Variants in KAZN observed in about 807,000 individuals in gnomAD.
The protein encoded by KAZN is kazrin.
A neutral mutation model predicts 87.4 loss-of-function variants in KAZN; 40 were observed. The observed-to-expected ratio is 0.46, with a 90% CI of 0.36 to 0.60. The LOEUF (loss-of-function observed/expected upper bound fraction) is 0.60. Among genes scored for constraint, KAZN ranks in the 20% least tolerant of loss-of-function variants. KAZN has a pLI of 0.00. For synonymous variants in KAZN, 466 were observed against 458.3 expected (o/e 1.02, Z -0.22); for missense variants, 898 against 1,073.9 (o/e 0.84, Z 2.29).
chr1:14,796,983 GATGTATC>G (rs1339888347), intron 1 of KAZN, among the ~76,000 whole-genome samples: 1 of 152,228 alleles, frequency 6.6e-6, no homozygotes, highest in Non-Finnish European at 1.5e-5. Context: ...AAGCTATGTT[GATGTATC>G]ATTTGGTGGC....
rs1665907772 is a variant in KAZN, at chr1:14,978,583, G to C, written c.418+17708G>C. ...TTTGTTCGTTTCTCTTAATCTGATA[G>C]AGGTTCTTCTTCCCACTCTTCTGGA... On this transcript the variant is annotated intron_variant, in intron 2 of 14. Coordinates refer to ENST00000376030, the MANE Select transcript of KAZN (RefSeq NM_201628.3). Among the ~76,000 whole-genome samples, 2 of 152,174 alleles carry C rather than the reference G, an allele frequency of 1.3e-5. 1 individual carries two copies. Among genetic ancestry groups the C allele is most frequent in the Admixed American group, 1.3e-4 (2 of 15,276 alleles).
chr1:15,095,642 G>C (rs1321748955), intron 10 of KAZN, among the ~76,000 whole-genome samples: 1 of 151,452 alleles, frequency 6.6e-6, no homozygotes, highest in Non-Finnish European at 1.5e-5. Context: ...TGTGGAGAGG[G>C]GAAGAACTCG....
chr1:14,280,086 G>A (rs1652725089), intron 2 of KAZN, among the ~76,000 whole-genome samples: 1 of 152,132 alleles, frequency 6.6e-6, no homozygotes, highest in South Asian at 2.1e-4. Context: ...GTTGCGGCCG[G>A]GCGCGGTGGC....
At chr1:14,296,168 C>G (rs1179118485) in intron 2 of KAZN, among the ~76,000 whole-genome samples, 1 of 152,186 alleles carries the variant, frequency 6.6e-6, no homozygotes, top group Non-Finnish European at 1.5e-5. Flanking sequence ...GAATGTCTAG[C>G]ATAAAGAAGA....
intron 2 of KAZN, among the ~76,000 whole-genome samples, chr1:15,028,087 C>G (rs1473281181): frequency 6.6e-6 from 1 of 152,208 alleles, no homozygotes; most frequent in Non-Finnish European, 1.5e-5. Context: ...GGGCCCAGCT[C>G]AGAGACGTGC....
intron 1 of KAZN, among the ~76,000 whole-genome samples, chr1:14,727,434 A>T (rs1404302443): frequency 5.0e-5 from 5 of 100,748 alleles, no homozygotes; most frequent in African/African-American, 1.1e-4. Flanking sequence ...AGTCCATCAC[A>T]TTTATTGTGC....
intron 1 of KAZN, among the ~76,000 whole-genome samples, chr1:14,043,753 A>T (rs1317841337): frequency 2.0e-5 from 3 of 152,122 alleles, no homozygotes; most frequent in African/African-American, 4.8e-5. Flanking sequence ...ATCAACTCGG[A>T]GGGAGGTGCT....
rs573792619 is a variant in KAZN, at chr1:14,169,676, G to A, written c.92-10759G>A. Among the ~76,000 whole-genome samples, 4 of 152,322 alleles carry A rather than the reference G, an allele frequency of 2.6e-5. No homozygotes were observed. The East Asian group carries it at 7.7e-4, about 29-fold the overall frequency. ...ACTAGACCTGCTGGAGGCTCATACG[G>A]GAATTAGGCAATGGCCATAAGTAAT... On this transcript the variant is annotated intron_variant, in intron 1 of 16. Transcript: ENST00000636203.
In KAZN at chr1:14,234,259, A is replaced by G. The variant is rs187325090; in HGVS notation, c.249+53667A>G. ...ATGAGTTCATGTTCTTTGCAGGGAC[A>G]TGGATGAAACTGGAAACCATCATTC... On this transcript the variant is annotated intron_variant, in intron 2 of 16. Transcript: ENST00000636203. 2.0e-5 allele frequency among the ~76,000 whole-genome samples: 3 copies of G among 152,334 alleles called. No homozygotes were observed. The East Asian group carries it at 5.8e-4, about 29-fold the overall frequency.
At chr1:14,900,098 C>G (rs1216947795) in intron 1 of KAZN, among the ~76,000 whole-genome samples, 1 of 152,154 alleles carries the variant, frequency 6.6e-6, no homozygotes, top group African/African-American at 2.4e-5. Context: ...ACCTGTGTAT[C>G]CCAGGGCTCA....
At chr1:14,879,794 G>A (rs1018529867) in intron 1 of KAZN, among the ~76,000 whole-genome samples, 4 of 152,124 alleles carry the variant, frequency 2.6e-5, no homozygotes, top group East Asian at 3.9e-4. Flanking sequence ...AGACACAGTC[G>A]GGTTCAATCT....
intron 1 of KAZN, among the ~76,000 whole-genome samples, chr1:14,809,930 C>T (rs1023180317): frequency 3.3e-5 from 5 of 152,152 alleles, no homozygotes; most frequent in African/African-American, 4.8e-5. Flanking sequence ...AGGTAACGGG[C>T]TAGATCAGGA....
chr1:14,475,626 G>A (rs1668675462), intron 2 of KAZN, among the ~76,000 whole-genome samples: 1 of 152,194 alleles, frequency 6.6e-6, no homozygotes, highest in Non-Finnish European at 1.5e-5. Context: ...AGCGTGGGAA[G>A]TGTTATAAAC....
At chr1:14,672,101 T>G (rs958652942) in intron 1 of KAZN, among the ~76,000 whole-genome samples, 7 of 152,196 alleles carry the variant, frequency 4.6e-5, no homozygotes, top group Non-Finnish European at 1.5e-5. Context: ...GTGTCATCCC[T>G]ACAGGGCTAT....
intron 2 of KAZN, among the ~76,000 whole-genome samples, chr1:14,221,260 G>T (rs1311303136): frequency 6.6e-6 from 1 of 152,076 alleles, no homozygotes; most frequent in African/African-American, 2.4e-5. Context: ...ATATTCGAAA[G>T]GTAAGTATTG....
intron 1 of KAZN, among the ~76,000 whole-genome samples, chr1:14,865,819 A>T (rs1014873464): frequency 1.3e-5 from 2 of 152,168 alleles, no homozygotes; most frequent in Non-Finnish European, 2.9e-5. Context: ...ATGTCCTGGT[A>T]AGAAGGCCAC....
At chr1:14,791,847 G>A (rs577047552) in intron 1 of KAZN, among the ~76,000 whole-genome samples, 27 of 152,332 alleles carry the variant, frequency 1.8e-4, no homozygotes, top group African/African-American at 6.0e-4. Flanking sequence ...TCAGCAGCGC[G>A]TTTGATCCCA....
intron 1 of KAZN, among the ~76,000 whole-genome samples, chr1:13,912,308 T>G (rs1639683159): frequency 6.6e-6 from 1 of 152,156 alleles, no homozygotes; most frequent in East Asian, 1.9e-4. Context: ...TGAAACTGCT[T>G]TATCTGGCCT....
chr1:14,121,818 T>C (rs916910708), intron 1 of KAZN, among the ~76,000 whole-genome samples: 1 of 152,198 alleles, frequency 6.6e-6, no homozygotes, highest in South Asian at 2.1e-4. Flanking sequence ...AGAATAAGCC[T>C]CTTTGAGAAG....
Sources: gnomAD v4.1 joint callset for allele counts (sites outside exome capture counted in the v4.1 genomes callset) on GRCh38, gnomAD v4.1.1 for gene constraint, MANE v1.5 for transcripts, NCBI Gene and HGNC (gene_info 2026-07-23, HGNC 2026-07-21) for gene names.